The following TRPM3 variants were observed in gnomAD, a reference collection of about 807,000 sequenced individuals.
The protein encoded by TRPM3 is transient receptor potential cation channel subfamily M member 3.
A neutral mutation model predicts 181.2 loss-of-function variants in TRPM3; 77 were observed. The ratio of observed to expected loss-of-function variants is 0.42; its 90% CI spans 0.35 to 0.51. The LOEUF is 0.51. TRPM3 is among the 20% of genes least tolerant of loss of function. The probability of loss-of-function intolerance (pLI) is 0.01; values close to 1 mark genes in which losing one functional copy is unlikely to be tolerated. For missense variants in TRPM3, 1,759 were observed against 2,196.7 expected (o/e 0.80, Z 3.98); for synonymous variants, 745 against 796.4 (o/e 0.94, Z 1.09).
At chr9:70,551,108 CA>C (rs1273802768) in intron 24 of TRPM3, among the ~76,000 whole-genome samples, 3 of 152,214 alleles carry the variant, frequency 2.0e-5, no homozygotes, top group African/African-American at 7.2e-5. Flanking sequence ...GCCTTTTTAA[CA>C]AAAATAAAAT....
intron 1 of TRPM3, among the ~76,000 whole-genome samples, chr9:71,392,926 T>A (rs1414596842): frequency 6.6e-6 from 1 of 152,170 alleles, no homozygotes; most frequent in Non-Finnish European, 1.5e-5. Flanking sequence ...TGTTTTGGAA[T>A]GTTATTTGGT....
intron 9 of TRPM3, among the ~76,000 whole-genome samples, chr9:70,656,985 C>A (rs1476134946): frequency 2.0e-5 from 3 of 150,196 alleles, no homozygotes; most frequent in Non-Finnish European, 4.4e-5. Flanking sequence ...AAGAATCTTA[C>A]ATGGTAAATG....
chr9:70,686,835 TTC>T (rs149829129), intron 8 of TRPM3, among the ~76,000 whole-genome samples: 16,717 of 108,048 alleles, frequency 0.15, 3,897 homozygotes, highest in African/African-American at 0.25. Flanking sequence ...CTTTTTTTTT[TTC>T]TTTTTTGAGA....
intron 1 of TRPM3, among the ~76,000 whole-genome samples, chr9:71,335,680 T>TTAAA (rs1223603484): frequency 6.6e-6 from 1 of 152,180 alleles, no homozygotes; most frequent in Non-Finnish European, 1.5e-5. Flanking sequence ...AATAACCTTT[T>TTAAA]TAAAAGGAGT....
chr9:71,306,404 T>C (rs944670713), intron 1 of TRPM3, among the ~76,000 whole-genome samples: 20 of 152,192 alleles, frequency 1.3e-4, no homozygotes, highest in Non-Finnish European at 2.8e-4. Flanking sequence ...ATCTTTGTTT[T>C]TTCATTTCCT....
intron 7 of TRPM3, chr9:70,774,161 G>T (rs2080891948): frequency 6.6e-6 from 1 of 152,010 alleles, no homozygotes; most frequent in Non-Finnish European, 1.5e-5. Context: ...GAACAACAGG[G>T]GTTTGAACTG....
chr9:70,928,777 G>A (rs552181741), intron 1 of TRPM3, among the ~76,000 whole-genome samples: 35 of 152,244 alleles, frequency 2.3e-4, no homozygotes, highest in African/African-American at 7.2e-4. Flanking sequence ...AAGATGAAGC[G>A]GGCATCATGC....
intron 1 of TRPM3, among the ~76,000 whole-genome samples, chr9:71,151,962 A>G (rs2075759472): frequency 6.6e-6 from 1 of 152,116 alleles, no homozygotes; most frequent in Admixed American, 6.6e-5. Context: ...TGTTATAAAA[A>G]CCAGGGAAAG....
At chr9:70,923,803 A>ACACACACT (rs1222991757) in intron 1 of TRPM3, among the ~76,000 whole-genome samples, 16 of 143,490 alleles carry the variant, frequency 1.1e-4, no homozygotes, top group African/African-American at 3.9e-4. Flanking sequence ...ACACACACAC[A>ACACACACT]CTCTCTCTCT....
intron 1 of TRPM3, among the ~76,000 whole-genome samples, chr9:71,372,795 C>G (rs912330694): frequency 6.6e-6 from 1 of 152,004 alleles, no homozygotes; most frequent in African/African-American, 2.4e-5. Flanking sequence ...GGGTCAAGAC[C>G]CATTGGCATG....
At chr9:70,964,648 T>G (rs927304937) in intron 1 of TRPM3, among the ~76,000 whole-genome samples, 1 of 152,096 alleles carries the variant, frequency 6.6e-6, no homozygotes, top group South Asian at 2.1e-4. Context: ...ATAACAAGTT[T>G]CAAGCAGAGC....
At chr9:70,671,286 T>C (rs910419301) in intron 9 of TRPM3, among the ~76,000 whole-genome samples, 4 of 152,232 alleles carry the variant, frequency 2.6e-5, no homozygotes, top group South Asian at 4.2e-4. Context: ...GCTTTGAATA[T>C]GGCCATCATC....
At chr9:70,781,222 G>A (rs2078586776) in intron 7 of TRPM3, among the ~76,000 whole-genome samples, 1 of 151,602 alleles carries the variant, frequency 6.6e-6, no homozygotes, top group African/African-American at 2.4e-5. Context: ...CTACTTGGGA[G>A]GCGGAGGAAG....
chr9:71,162,254 C>T (rs915954226), intron 1 of TRPM3, among the ~76,000 whole-genome samples: 2 of 148,726 alleles, frequency 1.3e-5, no homozygotes, highest in Admixed American at 1.3e-4. Context: ...GAAATAGCTG[C>T]ATTGTGGATT....
At chr9:71,407,106 T>C (rs774282634) in intron 1 of TRPM3, among the ~76,000 whole-genome samples, 1 of 152,214 alleles carries the variant, frequency 6.6e-6, no homozygotes, top group Non-Finnish European at 1.5e-5. Context: ...AACTTGACTT[T>C]TGTTCCAAGA....
chr9:70,755,424 G>A (rs1486500397), intron 8 of TRPM3, among the ~76,000 whole-genome samples: 5 of 151,436 alleles, frequency 3.3e-5, no homozygotes, highest in African/African-American at 1.2e-4. Flanking sequence ...AGGCTGGAGT[G>A]CAATGGCATG....
In TRPM3 at chr9:71,306,186, T is replaced by C. The variant is rs540015854; in HGVS notation, c.183+140467A>G. ...TTATCACGAACTTGTTTGGTTATAG[T>C]TTAGAAGATGAAAAAAGAAACATTT... On this transcript the variant is annotated intron_variant, in intron 1 of 24. Coordinates refer to the TRPM3 transcript ENST00000357533. 1.4e-4 allele frequency among the ~76,000 whole-genome samples: 22 copies of C among 152,262 alleles called. No individual in the cohort carries two copies. The East Asian group carries it at 4.1e-3, about 28-fold the overall frequency.
At chr9:70,901,233 C>T (rs577543048) in intron 1 of TRPM3, among the ~76,000 whole-genome samples, 1 of 152,224 alleles carries the variant, frequency 6.6e-6, no homozygotes, top group South Asian at 2.1e-4. Context: ...AAATCAGAGC[C>T]AAAGGAAACA....
chr9:71,194,203 A>G (rs753458123), intron 1 of TRPM3, among the ~76,000 whole-genome samples: 12 of 151,912 alleles, frequency 7.9e-5, no homozygotes, highest in Non-Finnish European at 1.5e-4. Context: ...TAAGTGTTTG[A>G]TGGCTCTTTC....
Sources: allele counts gnomAD v4.1 joint callset (sites outside exome capture counted in the v4.1 genomes callset), GRCh38; gene constraint gnomAD v4.1.1; transcripts MANE v1.5; gene names NCBI Gene and HGNC (gene_info 2026-07-23, HGNC 2026-07-21).